The following QRSL1 variants were observed in gnomAD, a reference collection of about 807,000 sequenced individuals.
QRSL1 encodes glutamyl-tRNA(Gln) amidotransferase subunit A, mitochondrial.
QRSL1 carries 54 observed loss-of-function variants against 61.6 expected under a neutral mutation model. That is an observed-to-expected ratio of 0.88 (90% CI 0.70 to 1.10). The LOEUF (loss-of-function observed/expected upper bound fraction) is 1.10, where lower values mean the gene tolerates loss of function less well. QRSL1 is among the 50% of genes least tolerant of loss of function. QRSL1 has a pLI of 0.00. For synonymous variants in QRSL1, 228 were observed against 225.7 expected (o/e 1.01, Z -0.09); for missense variants, 505 against 622.6 (o/e 0.81, Z 2.01).
rs529368243 is a variant in QRSL1, at chr6:106,668,054, A to G, written c.*2052A>G. 4 of 152,184 alleles carry G rather than the reference A, an allele frequency of 2.6e-5. No individual in the cohort carries two copies. In the East Asian group the frequency reaches 5.8e-4, roughly 22 times the overall value. 9.4% of individuals were successfully genotyped at this position (152,184 alleles called of 1,614,324 possible). ...AGTGATCTGCCTCCCTCAGCCTCCC[A>G]AAGTGCTGAGATTAAAGACGTGAGC... On this transcript the variant is annotated 3_prime_UTR_variant, in exon 11 of 11. Transcript: ENST00000369046.
chr6:106,651,711 G>T (rs1055691010), intron 5 of QRSL1, among the ~76,000 whole-genome samples: 2 of 151,886 alleles, frequency 1.3e-5, no homozygotes, highest in Admixed American at 6.6e-5. Flanking sequence ...TTCTAGGAGG[G>T]GCGTATTTAG....
In QRSL1 at chr6:106,667,514, TTAA is replaced by T. The variant is rs1424252473; in HGVS notation, c.*1516_*1518del. 2 of 152,194 alleles carry T rather than the reference TTAA, an allele frequency of 1.3e-5. No homozygotes were observed. The highest frequency in any genetic ancestry group is 4.8e-5 in the African/African-American group (2 of 41,436). The allele number at this position is 152,194 out of a possible 1,614,324, so 9.4% of individuals were successfully genotyped here. A position where few individuals can be genotyped will look rare whatever the true frequency, so the allele number is the denominator to read the frequency against. ...TGATAAATGAAAGCTGAATTGTTAC[TTAA>T]TAAATTCACTTTGTTTAGTAAAAAA... On this transcript the variant is annotated 3_prime_UTR_variant, in exon 11 of 11. Coordinates refer to ENST00000369046, the MANE Select transcript of QRSL1 (RefSeq NM_018292.5).
chr6:106,652,886 A>G (rs1161586171), intron 7 of QRSL1: 3 of 813,866 alleles, frequency 3.7e-6, no homozygotes, highest in South Asian at 2.1e-5. Context: ...AGTCTTTATC[A>G]TAACTGCTTA....
intron 9 of QRSL1, among the ~76,000 whole-genome samples, chr6:106,661,395 G>T (rs1336942936): frequency 6.6e-6 from 1 of 151,998 alleles, no homozygotes; most frequent in East Asian, 1.9e-4. Context: ...ATTACAACAT[G>T]AGCCACCAGG....
At chr6:106,657,212 T>C (rs1338025465) in intron 9 of QRSL1, among the ~76,000 whole-genome samples, 1 of 151,466 alleles carries the variant, frequency 6.6e-6, no homozygotes, top group African/African-American at 2.4e-5. Context: ...GAGGTTGCAG[T>C]GAGCCAAGAT....
chr6:106,638,677 C>T (rs1193156745), intron 1 of QRSL1, among the ~76,000 whole-genome samples: 1 of 152,250 alleles, frequency 6.6e-6, no homozygotes, highest in East Asian at 1.9e-4. Context: ...TTCCTTAAAT[C>T]GGACCTTGCT....
At chr6:106,629,833 G>C in intron 1 of QRSL1, 128 bp downstream of exon 1, 1 of 1,134,806 alleles carries the variant, frequency 8.8e-7, no homozygotes, top group Non-Finnish European at 1.3e-6. Context: ...ACTGAGTGGG[G>C]GATAAGTACC....
chr6:106,664,546 C>T (rs1777404247), intron 10 of QRSL1, among the ~76,000 whole-genome samples: 1 of 152,134 alleles, frequency 6.6e-6, no homozygotes, highest in Admixed American at 6.5e-5. Context: ...ATGTAGAACT[C>T]TGGTTCAACA....
At chr6:106,647,556 CAA>C (rs56935677) in intron 4 of QRSL1, among the ~76,000 whole-genome samples, 14 of 75,522 alleles carry the variant, frequency 1.9e-4, no homozygotes, top group Admixed American at 1.7e-4. Context: ...GAGACTGTCT[CAA>C]AAAAAAAAAA....
intron 3 of QRSL1, chr6:106,642,634 T>G (rs1186351826): frequency 2.2e-5 from 17 of 780,002 alleles, no homozygotes; most frequent in Non-Finnish European, 3.9e-5. Context: ...ATGGCAAAAC[T>G]GGAGAGTACA....
chr6:106,652,305 T>C lies in QRSL1; in HGVS notation c.654T>C (p.His218=), dbSNP rs1777198705. The change falls in exon 6 of 11, where the codon CAT becomes CAC. Residue 218 remains histidine, a synonymous_variant. Transcript: ENST00000369046. Reference sequence around the variant, plus strand: ...CAAGCTATGGCTTAGTTTCCCGTCATGGTCTCATTCCCCTGGTGAATTCGA... The same window carrying C: ...CAAGCTATGGCTTAGTTTCCCGTCACGGTCTCATTCCCCTGGTGAATTCGA... The part of the protein sequence containing the change: ...FKPSYGLVSR[H]GLIPLVNSMD... 1 of 1,614,216 alleles carries C rather than the reference T, an allele frequency of 6.2e-7. No individual in the cohort carries two copies. The highest frequency in any genetic ancestry group is 1.1e-5 in the South Asian group (1 of 91,088).
intron 4 of QRSL1, among the ~76,000 whole-genome samples, chr6:106,645,390 C>T (rs541605973): frequency 6.6e-6 from 1 of 151,852 alleles, no homozygotes; most frequent in East Asian, 1.9e-4. Context: ...ATAAATTGTA[C>T]ATATAATTTG....
rs1369514391 is a variant in QRSL1, at chr6:106,667,484, ATTG to A, written c.*1486_*1488del. ...AGGTATTTTAATCTAGCACTTACAT[ATTG>A]TTGATAAATGAAAGCTGAATTGTTA... On this transcript the variant is annotated 3_prime_UTR_variant, in exon 11 of 11. Transcript: ENST00000369046. The A allele has an allele frequency of 6.6e-6, 1 of 152,282 alleles. No homozygotes were observed. Among genetic ancestry groups the A allele is most frequent in the Admixed American group, 6.5e-5 (1 of 15,306 alleles). 9.4% of individuals were successfully genotyped at this position (152,282 alleles called of 1,614,324 possible).
chr6:106,661,664 T>C (rs973567576), intron 9 of QRSL1, among the ~76,000 whole-genome samples: 1 of 144,946 alleles, frequency 6.9e-6, no homozygotes, highest in Non-Finnish European at 1.5e-5. Context: ...GTGGAAACTG[T>C]TGTGGAAAAG....
chr6:106,640,292 T>TA, intron 1 of QRSL1, 57 bp from the exon 2 acceptor site: 1 of 1,111,498 alleles, frequency 9.0e-7, no homozygotes, highest in Non-Finnish European at 1.3e-6. Flanking sequence ...CCCACCAATA[T>TA]AACAATTGAA....
chr6:106,639,212 G>A (rs1387160610), intron 1 of QRSL1, among the ~76,000 whole-genome samples: 3 of 136,688 alleles, frequency 2.2e-5, no homozygotes, highest in African/African-American at 8.4e-5. Context: ...TGCAACCTCC[G>A]CCTCCCAGGT....
chr6:106,651,749 A>G (rs1175699091), intron 5 of QRSL1, among the ~76,000 whole-genome samples: 2 of 152,190 alleles, frequency 1.3e-5, no homozygotes, highest in African/African-American at 2.4e-5. Context: ...CAAAATTGCC[A>G]TTAATTTGAT....
At position 106,649,019 on chromosome 6, in the gene QRSL1, C is replaced by G. The variant is rs1276546636; in HGVS notation, c.381-6C>G. The G allele has an allele frequency of 5.0e-6, 8 of 1,593,830 alleles. No individual in the cohort carries two copies. Among genetic ancestry groups the G allele is most frequent in the Non-Finnish European group, 4.3e-6 (5 of 1,168,042 alleles). On this transcript the variant is annotated splice_region_variant and splice_polypyrimidine_tract_variant and intron_variant, in intron 4 of 10. Transcript: ENST00000369046. ...ACTAAGGTATCTTGCTTCACTTCGT[C>G]ATCAGATCTGGGAGCACAGATGGTG...
intron 9 of QRSL1, among the ~76,000 whole-genome samples, chr6:106,660,617 T>G (rs1777341193): frequency 6.6e-6 from 1 of 151,912 alleles, no homozygotes; most frequent in African/African-American, 2.4e-5. Context: ...TTTTTTTTTT[T>G]AATCCCCTAT....
Sources: gnomAD v4.1 joint callset for allele counts (sites outside exome capture counted in the v4.1 genomes callset) on GRCh38, gnomAD v4.1.1 for gene constraint, MANE v1.5 for transcripts, NCBI Gene and HGNC (gene_info 2026-07-23, HGNC 2026-07-21) for gene names.